The following TTN variants were observed in gnomAD, a reference collection of about 807,000 sequenced individuals.
TTN encodes the protein titin, also known as connectin.
A neutral mutation model predicts 3,223.0 loss-of-function variants in TTN; 1,525 were observed. The ratio of observed to expected loss-of-function variants is 0.47; its 90% CI spans 0.45 to 0.49. The LOEUF (loss-of-function observed/expected upper bound fraction) is 0.49, where lower values mean the gene tolerates loss of function less well. Among genes scored for constraint, TTN ranks in the 20% least tolerant of loss-of-function variants. TTN has a pLI of 0.00. For missense variants in TTN, 40,786 were observed against 43,424.0 expected (o/e 0.94, Z 5.40); for synonymous variants, 14,094 against 15,161.0 (o/e 0.93, Z 5.17).
intron 47 of TTN, chr2:178,746,845 A>G (rs746262098): frequency 6.2e-7 from 1 of 1,613,378 alleles, no homozygotes; most frequent in African/African-American, 1.3e-5. Context: ...GAGGTTCAAT[A>G]AAAGATGGAG....
chr2:178,718,546 G>C lies in TTN; in HGVS notation c.24560C>G (p.Pro8187Arg), dbSNP rs1417467243. 3 of 1,613,600 alleles carry C rather than the reference G, an allele frequency of 1.9e-6. No individual in the cohort carries two copies. Among genetic ancestry groups the C allele is most frequent in the Non-Finnish European group, 2.5e-6 (3 of 1,179,684 alleles). The change falls in exon 85 of 363, where the codon CCC (proline) becomes CGC (arginine). Residue 8187 changes from proline (P) to arginine (R), a missense_variant. Pro to Arg is a moderately radical substitution (Grantham distance 103, BLOSUM62 -2). Transcript: ENST00000589042. ...AGTGTATGTGGCCTCGAGAACTATGGGGCTTCCTGTCTCAACACTGAAATC... is the reference window on the plus strand; with the variant it reads ...AGTGTATGTGGCCTCGAGAACTATGCGGCTTCCTGTCTCAACACTGAAATC... Reference protein sequence around the residue: ...LADFSVETGSPIVLEATYTGT... With the variant: ...LADFSVETGSRIVLEATYTGT...
At chr2:178,606,973 T>G in intron 278 of TTN, 48 bp downstream of exon 278, 5 of 1,568,386 alleles carry the variant, frequency 3.2e-6, no homozygotes, top group Non-Finnish European at 4.3e-6. Flanking sequence ...ATAATATAAC[T>G]AGAAGCAAAA....
chr2:178,621,497 G>C lies in TTN; in HGVS notation c.45327C>G (p.Thr15109=). The change falls in exon 245 of 363, where the codon ACC becomes ACG. Residue 15109 remains threonine (T), a synonymous_variant. Coordinates refer to ENST00000589042, the MANE Select transcript of TTN (RefSeq NM_001267550.2). The part of the protein sequence containing the change: ...NYNCRLPSSR[T]DGKVKVHELA... Reference sequence around the variant, plus strand: ...TACCATGTACTTTGACTTTGCCATCGGTTCGAGAGCTTGGGAGTCGACAGT... The same window carrying C: ...TACCATGTACTTTGACTTTGCCATCCGTTCGAGAGCTTGGGAGTCGACAGT... 1 of 1,612,300 alleles carries C rather than the reference G, an allele frequency of 6.2e-7. No homozygotes were observed. Among genetic ancestry groups the C allele is most frequent in the Non-Finnish European group, 8.5e-7 (1 of 1,179,050 alleles).
rs1709204833 is a variant in TTN at position 178,574,070 on chromosome 2, C to T, written c.72062G>A (p.Arg24021Lys). 6.2e-7 allele frequency: 1 copy of T among 1,613,410 alleles called. No individual in the cohort carries two copies. The highest frequency in any genetic ancestry group is 8.5e-7 in the Non-Finnish European group (1 of 1,179,526). ...TATCTTTGGTGCCTCAACATCATCC[C>T]TGCAAGTGATAGCATCAGATGGCTC... ...PSEPSDAITC[R>K]DDVEAPKIKV... Residue 24021 changes from arginine (R) to lysine (K), a missense_variant, in exon 326 of 363, where the codon AGG becomes AAG. Transcript: ENST00000589042.
intron 271 of TTN, 28 bp from the exon 272 acceptor site, chr2:178,610,014 T>A (rs781423230): frequency 7.5e-6 from 12 of 1,610,068 alleles, no homozygotes; most frequent in Middle Eastern, 3.3e-4. Context: ...AATGTTAGTA[T>A]CAGGAAAACC....
In TTN at chr2:178,561,023, T is replaced by C. The variant is rs1316361788; in HGVS notation, c.85109A>G (p.Lys28370Arg). 6.2e-7 allele frequency: 1 copy of C among 1,613,884 alleles called. No individual in the cohort carries two copies. The highest frequency in any genetic ancestry group is 1.1e-5 in the South Asian group (1 of 91,078). The change falls in exon 326 of 363, where the codon AAA becomes AGA. Residue 28370 changes from lysine (K) to arginine (R), a missense_variant. Lys to Arg is a conservative substitution (Grantham distance 26). Coordinates refer to ENST00000589042, the MANE Select transcript of TTN (RefSeq NM_001267550.2). ...DVKFRDVIVV[K>R]AGEVLKINAD... The stretch of plus-strand genomic sequence containing the variant: ...ATTTATCTTAAGGACCTCTCCAGCT[T>C]TGACAACAATAACGTCTCGGAACTT...
intron 180 of TTN, 127 bp from the exon 181 acceptor site, chr2:178,659,382 A>G (rs1375950092): frequency 3.9e-6 from 2 of 507,448 alleles, no homozygotes; most frequent in African/African-American, 3.9e-5. Context: ...TGGAAGGCTG[A>G]TTCAACATAC....
In TTN at chr2:178,635,462, G is replaced by C; in HGVS notation, c.41862C>G (p.Tyr13954Ter). The C allele has an allele frequency of 6.2e-7, 1 of 1,607,274 alleles. No individual in the cohort carries two copies. The highest frequency in any genetic ancestry group is 8.5e-7 in the Non-Finnish European group (1 of 1,176,676). ...EYAVEIEGKR[Y>*]PAKLTLGERE... ...TACCTCCAAGTGTCAGCTTTGCAGGGTATCTTTTTCCTTCAATTTCCACTG... is the reference window on the plus strand; with the variant it reads ...TACCTCCAAGTGTCAGCTTTGCAGGCTATCTTTTTCCTTCAATTTCCACTG... The change falls in exon 227 of 363, where the codon TAC (tyrosine) becomes TAG (stop). Residue 13954 changes from tyrosine to a stop codon, truncating the protein, a stop_gained. Transcript: ENST00000589042. LOFTEE classifies it high-confidence loss of function.
chr2:178,560,221 A>G lies in TTN; in HGVS notation c.85911T>C (p.Ser28637=), dbSNP rs1254108297. 1 of 1,613,654 alleles carries G rather than the reference A, an allele frequency of 6.2e-7. No individual in the cohort carries two copies. Among genetic ancestry groups the G allele is most frequent in the Non-Finnish European group, 8.5e-7 (1 of 1,179,788 alleles). ...AENAAGLSLP[S]ETSPLIRAED... ...CTGCCCTAATTAAGGGAGAGGTTTC[A>G]CTTGGAAGACTTAGGCCAGCAGCAT... The change falls in exon 326 of 363, where the codon AGT becomes AGC. Residue 28637 remains serine, a synonymous_variant. Transcript: ENST00000589042.
intron 350 of TTN, chr2:178,541,023 A>C: frequency 3.1e-6 from 1 of 319,936 alleles, no homozygotes; most frequent in Admixed American, 4.6e-5. Flanking sequence ...CATCTTAAAG[A>C]AGTGGAAATT....
chr2:178,569,504 T>C lies in TTN; in HGVS notation c.76628A>G (p.Lys25543Arg). The change falls in exon 326 of 363, where the codon AAA becomes AGA. Residue 25543 changes from lysine (K) to arginine (R), a missense_variant. Physicochemically the swap from Lys to Arg is conservative, Grantham distance 26 (BLOSUM62 2). Transcript: ENST00000589042. ...GATTTCACCATCCACCTTTCCCCAT[T>C]TAACTTCTGGTGTAGGACGACCTTT... is the stretch of plus-strand genomic sequence containing the variant. ...PIKGRPTPEV[K>R]WGKVDGEIRD... 1 of 1,612,680 alleles carries C rather than the reference T, an allele frequency of 6.2e-7. No individual in the cohort carries two copies. The highest frequency in any genetic ancestry group is 8.5e-7 in the Non-Finnish European group (1 of 1,179,068).
At position 178,587,564 on chromosome 2, in the gene TTN, C is replaced by T; in HGVS notation, c.63745G>A (p.Val21249Met). ...DDSGKYSLTL[V>M]NPAGEKAVFV... ...ACAGCCTTTTCTCCTGCTGGGTTCACAAGTGTTAAGGAATATTTTCCTGAG... is the reference window on the plus strand; with the variant it reads ...ACAGCCTTTTCTCCTGCTGGGTTCATAAGTGTTAAGGAATATTTTCCTGAG... The change falls in exon 306 of 363, where the codon GTG becomes ATG. Residue 21249 changes from valine (V) to methionine (M), a missense_variant. Coordinates refer to ENST00000589042, the MANE Select transcript of TTN (RefSeq NM_001267550.2). The T allele has an allele frequency of 3.1e-6, 5 of 1,612,132 alleles. No homozygotes were observed. Among genetic ancestry groups the T allele is most frequent in the Non-Finnish European group, 4.2e-6 (5 of 1,179,112 alleles).
chr2:178,547,657 A>C lies in TTN; in HGVS notation c.93969T>G (p.Ala31323=). ...CTCCCCATGACAGGACACACGATTC[A>C]GCTGAGACAGATGAGACCTCAATGG... The part of the protein sequence containing the change: ...TGPIEVSSVS[A]ESCVLSWGEP... Residue 31323 remains alanine, a synonymous_variant, in exon 339 of 363, where the codon GCT becomes GCG. Coordinates refer to ENST00000589042, the MANE Select transcript of TTN (RefSeq NM_001267550.2). 6.2e-6 allele frequency: 10 copies of C among 1,613,928 alleles called. No homozygotes were observed. Among genetic ancestry groups the C allele is most frequent in the Non-Finnish European group, 8.5e-6 (10 of 1,179,832 alleles).
In TTN at chr2:178,732,304, T is replaced by C. The variant is rs750512683; in HGVS notation, c.16665A>G (p.Leu5555=). Residue 5555 remains leucine, a synonymous_variant, in exon 57 of 363, where the codon TTA becomes TTG. Coordinates refer to ENST00000589042, the MANE Select transcript of TTN (RefSeq NM_001267550.2). ...CTAGCTGGGTGGCATCTCCCTTCTTTAACAGCTGTGATGGCTCTAACTTTT... is the reference window on the plus strand; with the variant it reads ...CTAGCTGGGTGGCATCTCCCTTCTTCAACAGCTGTGATGGCTCTAACTTTT... ...FVEKLEPSQL[L]KKGDATQLAC... The C allele has an allele frequency of 1.2e-6, 2 of 1,612,844 alleles. No homozygotes were observed. The highest frequency in any genetic ancestry group is 1.7e-6 in the Non-Finnish European group (2 of 1,179,162).
chr2:178,534,559 G>A lies in TTN; in HGVS notation c.102056C>T (p.Thr34019Ile). The part of the protein sequence containing the change: ...LSGINPFLAE[T>I]NQQIIENIMN... Reference sequence around the variant, plus strand: ...GATATTCTCAATGATCTGTTGGTTAGTTTCAGCCAGGAATGGGTTGATACC... The same window carrying A: ...GATATTCTCAATGATCTGTTGGTTAATTTCAGCCAGGAATGGGTTGATACC... Residue 34019 changes from threonine to isoleucine, a missense_variant, in exon 358 of 363, where the codon ACT becomes ATT. By Grantham distance (89) the Thr-to-Ile change is moderately conservative. Transcript: ENST00000589042. 1 of 1,613,870 alleles carries A rather than the reference G, an allele frequency of 6.2e-7. No homozygotes were observed. The highest frequency in any genetic ancestry group is 8.5e-7 in the Non-Finnish European group (1 of 1,179,806).
rs192002980 is a variant in TTN, at chr2:178,689,280, G to C, written c.32011+10C>G. On this transcript the variant is annotated intron_variant, in intron 124 of 362. Transcript: ENST00000589042. ...TAAAGACAGTTCTTGGGAAGATGGA[G>C]AAACAATACCTTTTGGTGGTGGTGG... 3.7e-4 allele frequency: 595 copies of C among 1,609,746 alleles called. 1 individual carries two copies. The Admixed American group carries it at 9.4e-3, about 26-fold the overall frequency.
Position 178,612,762 on chromosome 2 carries a change from G to T in TTN, c.49948+11C>A. 6.2e-7 allele frequency: 1 copy of T among 1,602,188 alleles called. No individual in the cohort carries two copies. Among genetic ancestry groups the T allele is most frequent in the Non-Finnish European group, 8.5e-7 (1 of 1,176,010 alleles). On this transcript the variant is annotated intron_variant, in intron 265 of 362. Coordinates refer to ENST00000589042, the MANE Select transcript of TTN (RefSeq NM_001267550.2). ...AGAATTTATATATCCCAGACATCAA[G>T]AGTGACTTACATAGCTTCTCCCGGC...
chr2:178,593,041 G>A lies in TTN; in HGVS notation c.59078C>T (p.Thr19693Ile). The A allele has an allele frequency of 6.2e-7, 1 of 1,613,398 alleles. No individual in the cohort carries two copies. The highest frequency in any genetic ancestry group is 8.5e-7 in the Non-Finnish European group (1 of 1,179,600). ...CCAAGTTAGATCGACTGAATTGCAT[G>A]TTGTATCTATTGCTTCAGGATTAAC... ...PPVNPEAIDTTCNSVDLTWQP... is the reference protein window; with the variant it reads ...PPVNPEAIDTICNSVDLTWQP... The change falls in exon 300 of 363, where the codon ACA becomes ATA. Residue 19693 changes from threonine (T) to isoleucine (I), a missense_variant. Coordinates refer to ENST00000589042, the MANE Select transcript of TTN (RefSeq NM_001267550.2).
Position 178,699,985 on chromosome 2 carries a change from G to C in TTN, c.30683-1071C>G, listed in dbSNP as rs182154826. Among the ~76,000 whole-genome samples the C allele has an allele frequency of 1.8e-3, 277 of 152,028 alleles. 5 individuals are homozygous for C. In the South Asian group the frequency reaches 0.024, roughly 13 times the overall value. On this transcript the variant is annotated intron_variant, in intron 111 of 362. Transcript: ENST00000589042. Reference sequence around the variant, plus strand: ...CCACCTCGGCCTCCCAAAGTGCTGGGATTACAAGCGTGAGCCACCGCGCCA... The same window carrying C: ...CCACCTCGGCCTCCCAAAGTGCTGGCATTACAAGCGTGAGCCACCGCGCCA...
Sources: allele counts gnomAD v4.1 joint callset (sites outside exome capture counted in the v4.1 genomes callset), GRCh38; gene constraint gnomAD v4.1.1; transcripts MANE v1.5; gene names NCBI Gene and HGNC (gene_info 2026-07-23, HGNC 2026-07-21).